SPEN: variants seen among roughly 807,000 people sequenced by gnomAD.
The protein encoded by SPEN is msx2-interacting protein.
In SPEN, 18 loss-of-function variants were observed where a neutral mutation model predicts 269.9. The ratio of observed to expected loss-of-function variants is 0.07; its 90% CI spans 0.05 to 0.10. SPEN has a LOEUF of 0.10. Among genes scored for constraint, SPEN ranks in the 10% least tolerant of loss-of-function variants. The pLI is 1.00. For missense variants in SPEN, 3,822 were observed against 4,631.2 expected (o/e 0.83, Z 5.07); for synonymous variants, 1,726 against 1,765.7 (o/e 0.98, Z 0.56).
chr1:15,936,203 ACACACT>A lies in SPEN; in HGVS notation c.9966_9971del (p.His3322_Thr3323del). 1 of 1,578,506 alleles carries A rather than the reference ACACACT, an allele frequency of 6.3e-7. No homozygotes were observed. The highest frequency in any genetic ancestry group is 8.6e-7 in the Non-Finnish European group (1 of 1,156,398). Reference sequence around the variant, plus strand: ...CCTACCACCCCCCGGCCCAGCTCACACACACTCAGTTTCCCGCCGCTTCCTCTGTTG... The same window carrying A: ...CCTACCACCCCCCGGCCCAGCTCACACAGTTTCCCGCCGCTTCCTCTGTTG... On this transcript the variant is annotated inframe_deletion, in exon 11 of 15. Transcript: ENST00000375759.
chr1:15,866,586 C>T (rs961276507), intron 1 of SPEN, among the ~76,000 whole-genome samples: 1 of 152,292 alleles, frequency 6.6e-6, no homozygotes, highest in South Asian at 2.1e-4. Context: ...ATCTACTGAC[C>T]TCGTGATCTG....
intron 1 of SPEN, among the ~76,000 whole-genome samples, chr1:15,858,236 G>A (rs2070406576): frequency 8.0e-6 from 1 of 125,078 alleles, no homozygotes; most frequent in Non-Finnish European, 1.7e-5. Flanking sequence ...TTACAGGCAT[G>A]AGTCACTGGG....
chr1:15,897,357 TTTTC>T (rs1230154640), intron 3 of SPEN, among the ~76,000 whole-genome samples: 2 of 151,420 alleles, frequency 1.3e-5, no homozygotes, highest in African/African-American at 2.4e-5. Context: ...CCTGGCTAAT[TTTTC>T]TTTCTTTTTT....
intron 3 of SPEN, among the ~76,000 whole-genome samples, chr1:15,892,012 C>CT (rs71003216): frequency 0.04 from 3,022 of 74,668 alleles, 94 homozygotes; most frequent in African/African-American, 0.097. Context: ...TTTCTTTTTA[C>CT]TTTTTTTTTT....
rs968978364 is a variant in SPEN, at chr1:15,938,870, C to T, written c.10857C>T (p.Ser3619=). ...TCATCAACGTTCCCAACCCTGGCTC[C>T]AATCAGGTCGGTTGTCCTGTGTCCT... The part of the protein sequence containing the change: ...AGIINVPNPG[S]NQPAYVLQIF... Residue 3619 remains serine (S), a synonymous_variant, in exon 14 of 15, where the codon TCC becomes TCT. Transcript: ENST00000375759. 9.9e-6 allele frequency: 16 copies of T among 1,613,490 alleles called. No individual in the cohort carries two copies. The Admixed American group carries it at 2.0e-4, about 20-fold the overall frequency.
At chr1:15,922,386 T>A in intron 10 of SPEN, 37 bp downstream of exon 10, 1 of 1,378,534 alleles carries the variant, frequency 7.3e-7, no homozygotes, top group Non-Finnish European at 1.0e-6. Flanking sequence ...GCTTGAGTTT[T>A]AATAGTTTTA....
At chr1:15,855,979 G>T (rs1029668683) in intron 1 of SPEN, among the ~76,000 whole-genome samples, 1 of 146,396 alleles carries the variant, frequency 6.8e-6, no homozygotes, top group Non-Finnish European at 1.5e-5. Context: ...TGTGTGAAAA[G>T]GATGCTAGAA....
Position 15,934,422 on chromosome 1 carries a change from G to A in SPEN, c.8182G>A (p.Ala2728Thr), listed in dbSNP as rs377314260. 24 of 1,613,704 alleles carry A rather than the reference G, an allele frequency of 1.5e-5. No individual in the cohort carries two copies. The highest frequency in any genetic ancestry group is 6.7e-5 in the Admixed American group (4 of 60,010). Residue 2728 changes from alanine to threonine, a missense_variant, in exon 11 of 15, where the codon GCT (alanine) becomes ACT (threonine). By Grantham distance (58) the Ala-to-Thr change is moderately conservative. Transcript: ENST00000375759. This position sits in a 1 kb window ranked among gnomAD's most constrained non-coding sequence, Gnocchi z 9.2. ...VNAAPGTVNA[A>T]ASAVNATASA... ...TGCCGCCCCAGGCACAGTCAATGCC[G>A]CTGCGAGTGCAGTGAATGCCACAGC...
At position 15,905,808 on chromosome 1, in the gene SPEN, C is replaced by T. The variant is rs368859840; in HGVS notation, c.882-3513C>T. 3.3e-5 allele frequency among the ~76,000 whole-genome samples: 5 copies of T among 149,676 alleles called. No homozygotes were observed. In the East Asian group the frequency reaches 1.0e-3, roughly 30 times the overall value. ...CAGGATGGTCTTGATCTCTTGACCT[C>T]GTGATCTGCCTGCCTCAGCCTCCCA... On this transcript the variant is annotated intron_variant, in intron 3 of 14. Transcript: ENST00000375759.
rs1330983732 is a variant in SPEN, at chr1:15,939,131, T to A, written c.10864-165T>A. On this transcript the variant is annotated intron_variant, in intron 14 of 14. Coordinates refer to ENST00000375759, the MANE Select transcript of SPEN (RefSeq NM_015001.3). This position sits in a 1 kb window ranked among gnomAD's most constrained non-coding sequence, Gnocchi z 4.1. ...CAGGGGGTTCCTGTTTATAGTTTTC[T>A]GACACCTGCTAGGTCTTCCAGTAGA... 3.3e-5 allele frequency among the ~76,000 whole-genome samples: 5 copies of A among 152,188 alleles called. No homozygotes were observed. The highest frequency in any genetic ancestry group is 1.2e-4 in the African/African-American group (5 of 41,450).
chr1:15,863,127 A>G (rs1048072190), intron 1 of SPEN, among the ~76,000 whole-genome samples: 2 of 152,102 alleles, frequency 1.3e-5, no homozygotes, highest in Admixed American at 6.6e-5. Context: ...GTATGTACCT[A>G]TAGTCCAGCT....
At position 15,914,987 on chromosome 1, in the gene SPEN, G is replaced by A. The variant is rs559644066; in HGVS notation, c.1244-1141G>A. Among the ~76,000 whole-genome samples the A allele has an allele frequency of 5.9e-5, 9 of 152,282 alleles. No homozygotes were observed. The South Asian group carries it at 1.0e-3, about 18-fold the overall frequency. On this transcript the variant is annotated intron_variant, in intron 5 of 14. Coordinates refer to ENST00000375759, the MANE Select transcript of SPEN (RefSeq NM_015001.3). Reference sequence around the variant, plus strand: ...TTTAGACAGTTGATTTATTGTGTTAGTATGAGAGGGGCGAAATGCTAAATA... The same window carrying A: ...TTTAGACAGTTGATTTATTGTGTTAATATGAGAGGGGCGAAATGCTAAATA...
intron 3 of SPEN, among the ~76,000 whole-genome samples, chr1:15,905,358 A>G (rs1193827146): frequency 6.7e-6 from 1 of 149,782 alleles, no homozygotes; most frequent in Non-Finnish European, 1.5e-5. Context: ...AGTAGCTGGG[A>G]TTACAGGCAT....
intron 3 of SPEN, among the ~76,000 whole-genome samples, chr1:15,890,555 C>T (rs2070778587): frequency 1.4e-5 from 2 of 144,552 alleles, no homozygotes; most frequent in South Asian, 4.3e-4. Context: ...GATTTTGACT[C>T]AGGTTTTTTT....
rs61565536 is a variant in SPEN at position 15,891,906 on chromosome 1, T to TAA, written c.881+15239_881+15240dup. 2.8e-3 allele frequency among the ~76,000 whole-genome samples: 406 copies of TAA among 144,568 alleles called. 2 individuals are homozygous for TAA. The highest frequency in any genetic ancestry group is 7.5e-3 in the African/African-American group (296 of 39,456). The allele number at this position is 144,568 out of a possible 152,430, so 94.8% of individuals were successfully genotyped here. ...TCAAGTTCTGGAGACCTGGTTTTTT[T>TAA]AAAAAAAAAAAACTTATTTATGTTG... is the stretch of plus-strand genomic sequence containing the variant. On this transcript the variant is annotated intron_variant, in intron 3 of 14. Transcript: ENST00000375759.
In SPEN at chr1:15,936,054, G is replaced by A; in HGVS notation, c.9814G>A (p.Val3272Ile). The A allele has an allele frequency of 6.4e-7, 1 of 1,563,408 alleles. No homozygotes were observed. The highest frequency in any genetic ancestry group is 2.4e-5 in the East Asian group (1 of 42,394). ...APHGEARILT[V>I]TPSNQLQGLP... The stretch of plus-strand genomic sequence containing the variant: ...TCATGGTGAGGCCCGTATCCTCACA[G>A]TTACCCCCAGTAACCAACTCCAGGG... The change falls in exon 11 of 15, where the codon GTT (valine) becomes ATT (isoleucine). Residue 3272 changes from valine to isoleucine, a missense_variant. Around this residue, in one of 16 missense-constraint regions of SPEN, gnomAD observed 359 missense variants for 377.3 expected, o/e 0.95. Coordinates refer to ENST00000375759, the MANE Select transcript of SPEN (RefSeq NM_015001.3).
chr1:15,928,844 G>A lies in SPEN; in HGVS notation c.2604G>A (p.Ala868=), dbSNP rs758790825. The part of the protein sequence containing the change: ...SREKADKEGI[A]KNRLELMPCV... ...AGAAAGCTGACAAAGAGGGAATAGC[G>A]AAAAACCGCCTGGAACTCATGCCTT... The change falls in exon 11 of 15, where the codon GCG becomes GCA. Residue 868 remains alanine (A), a synonymous_variant. Transcript: ENST00000375759. This position sits in a 1 kb window ranked among gnomAD's most constrained non-coding sequence, Gnocchi z 5.7. 8 of 1,613,932 alleles carry A rather than the reference G, an allele frequency of 5.0e-6. No homozygotes were observed. The highest frequency in any genetic ancestry group is 4.0e-5 in the African/African-American group (3 of 74,904).
intron 2 of SPEN, among the ~76,000 whole-genome samples, chr1:15,875,907 A>G (rs1328023370): frequency 1.3e-5 from 2 of 152,240 alleles, no homozygotes; most frequent in Non-Finnish European, 1.5e-5. Context: ...AGGAGATTGT[A>G]TATTTATGTA....
At position 15,935,272 on chromosome 1, in the gene SPEN, G is replaced by C; in HGVS notation, c.9032G>C (p.Arg3011Pro). 1.9e-6 allele frequency: 3 copies of C among 1,614,084 alleles called. No homozygotes were observed. Among genetic ancestry groups the C allele is most frequent in the Non-Finnish European group, 2.5e-6 (3 of 1,180,006 alleles). ...VPSGPSIPAD[R>P]TVSHLAAAKL... ...TCGGGGCCCAGCATCCCAGCAGATCGAACTGTCTCCCATTTGGCAGCTGCA... is the reference window on the plus strand; with the variant it reads ...TCGGGGCCCAGCATCCCAGCAGATCCAACTGTCTCCCATTTGGCAGCTGCA... The change falls in exon 11 of 15, where the codon CGA (arginine) becomes CCA (proline). Residue 3011 changes from arginine to proline, a missense_variant. Physicochemically the swap from Arg to Pro is moderately radical, Grantham distance 103. This residue lies in a region of SPEN where 94 missense variants were observed against 90.4 expected (regional missense o/e 1.04). Transcript: ENST00000375759. The surrounding 1 kb of genome is among the most constrained non-coding windows in gnomAD (Gnocchi z 7.7).
Sources: allele counts gnomAD v4.1 joint callset (sites outside exome capture counted in the v4.1 genomes callset), GRCh38; gene constraint gnomAD v4.1.1; regional missense constraint gnomAD v4.1.1; non-coding constraint Gnocchi (gnomAD v3.1); transcripts MANE v1.5; gene names NCBI Gene and HGNC (gene_info 2026-07-23, HGNC 2026-07-21).